The following NME6 variants were observed in gnomAD, a reference collection of about 807,000 sequenced individuals.
NME6 encodes nucleoside diphosphate kinase 6, mitochondrial.
Under a neutral mutation model 22.2 loss-of-function variants are expected in NME6, and 16 were observed. That is an observed-to-expected ratio of 0.72 (90% CI 0.49 to 1.09). The LOEUF (loss-of-function observed/expected upper bound fraction) is 1.09. Among genes scored for constraint, NME6 ranks in the 50% least tolerant of loss-of-function variants. The pLI is 0.00. For synonymous variants in NME6, 58 were observed against 85.2 expected (o/e 0.68, Z 1.76); for missense variants, 229 against 239.0 (o/e 0.96, Z 0.28).
At position 48,294,000 on chromosome 3, in the gene NME6, G is replaced by A. The variant is rs2034773863; in HGVS notation, c.*637C>T. The A allele has an allele frequency of 6.6e-6, 1 of 152,114 alleles. No homozygotes were observed. Among genetic ancestry groups the A allele is most frequent in the African/African-American group, 2.4e-5 (1 of 41,422 alleles). The allele number at this position is 152,114 out of a possible 1,614,324, so 9.4% of individuals were successfully genotyped here. ...AAATGTGGCAGCATAAAGGATTCAG[G>A]AGAACACTGACTTTTATTGAGGAAG... On this transcript the variant is annotated 3_prime_UTR_variant, in exon 6 of 6. Coordinates refer to ENST00000442597, the MANE Select transcript of NME6 (RefSeq NM_001308426.2).
rs532117758 is a variant in NME6, at chr3:48,295,056, C to G, written c.394+19G>C. 1.9e-6 allele frequency: 3 copies of G among 1,611,234 alleles called. No individual in the cohort carries two copies. The highest frequency in any genetic ancestry group is 2.2e-5 in the East Asian group (1 of 44,812). On this transcript the variant is annotated intron_variant, in intron 5 of 5. Transcript: ENST00000442597. ...CCGCTAACCCCAAAATATCCTATGG[C>G]TATGGACAGGGGACTCACCCGAACC...
At chr3:48,295,259 A>G in intron 4 of NME6, 24 bp from the exon 5 acceptor site, 1 of 1,598,928 alleles carries the variant, frequency 6.3e-7, no homozygotes, top group African/African-American at 1.3e-5. Flanking sequence ...AAGCACATGT[A>G]AAGAACCTGG....
rs1575312764 is a variant in NME6, at chr3:48,293,107, G to T, written c.*1530C>A. 6.6e-6 allele frequency: 1 copy of T among 152,192 alleles called. No individual in the cohort carries two copies. Among genetic ancestry groups the T allele is most frequent in the Non-Finnish European group, 1.5e-5 (1 of 68,046 alleles). 9.4% of individuals were successfully genotyped at this position (152,192 alleles called of 1,614,324 possible). On this transcript the variant is annotated 3_prime_UTR_variant, in exon 6 of 6. Coordinates refer to ENST00000442597, the MANE Select transcript of NME6 (RefSeq NM_001308426.2). ...AGCTGGCTCCCTAACACAAGAAGTT[G>T]TTGAAAGTTCTACTCAGCTTCTTAG...
intron 1 of NME6, chr3:48,298,986 T>G: frequency 1.4e-6 from 1 of 703,048 alleles, no homozygotes; most frequent in South Asian, 1.5e-5. Flanking sequence ...ATTGGAAGAT[T>G]GATGGACAGC....
intron 1 of NME6, 34 bp downstream of exon 1, chr3:48,301,319 C>T: frequency 6.3e-7 from 1 of 1,590,688 alleles, no homozygotes. Context: ...TCATTCGGAG[C>T]CCCAGTGCAG....
At chr3:48,298,737 T>A (rs1000822576) in intron 1 of NME6, among the ~76,000 whole-genome samples, 2 of 152,200 alleles carry the variant, frequency 1.3e-5, no homozygotes, top group Non-Finnish European at 2.9e-5. Context: ...AGCATTCAAG[T>A]TCCCCCGTGG....
chr3:48,295,244 A>C lies in NME6; in HGVS notation c.234-9T>G. 1.2e-6 allele frequency: 2 copies of C among 1,608,314 alleles called. No homozygotes were observed. Among genetic ancestry groups the C allele is most frequent in the Non-Finnish European group, 1.7e-6 (2 of 1,176,024 alleles). On this transcript the variant is annotated splice_polypyrimidine_tract_variant and intron_variant, in intron 4 of 5. Transcript: ENST00000442597. ...AGGCTCGGATTGGCCCGCTGTGAAC[A>C]AAACAAGCACATGTAAAGAACCTGG...
At chr3:48,288,374 C>CAA (rs1229770100), downstream of NME6, among the ~76,000 whole-genome samples, 3 of 104,734 alleles carry the variant, frequency 2.9e-5, no homozygotes, top group South Asian at 5.8e-4. Flanking sequence ...GACCCTGTCT[C>CAA]AAAAAAAAAA....
At chr3:48,288,173 G>C (rs1017087283), downstream of NME6, among the ~76,000 whole-genome samples, 1 of 152,056 alleles carries the variant, frequency 6.6e-6, no homozygotes, top group Non-Finnish European at 1.5e-5. Context: ...TTGAGCCCAG[G>C]AGTTCAAGAC....
intron 2 of NME6, chr3:48,297,619 GT>G: frequency 6.6e-6 from 1 of 152,392 alleles, no homozygotes; most frequent in Non-Finnish European, 1.5e-5. Flanking sequence ...ATATGATTAT[GT>G]TACATTACAT....
At chr3:48,291,183 G>A (rs1007020673), downstream of NME6, 3 of 331,192 alleles carry the variant, frequency 9.1e-6, no homozygotes, top group African/African-American at 2.2e-5. Flanking sequence ...ACAGGACGTG[G>A]TAAGGTGGAC....
rs773388161 is a variant in NME6, at chr3:48,296,143, T to C, written c.209A>G (p.Gln70Arg). Residue 70 changes from glutamine to arginine, a missense_variant, in exon 4 of 6, where the codon CAG becomes CGG. Transcript: ENST00000442597. ...YREHEGRFFYQRLVEFMASGP... is the reference protein window; with the variant it reads ...YREHEGRFFYRRLVEFMASGP... ...CCTGGCCATGAACTCCACCAGCCTC[T>C]GATAGAAAAAACGCCCTGCAAAGAG... 6.2e-7 allele frequency: 1 copy of C among 1,614,062 alleles called. No individual in the cohort carries two copies. The highest frequency in any genetic ancestry group is 8.5e-7 in the Non-Finnish European group (1 of 1,179,884).
At chr3:48,297,546 A>G (rs2035244586) in intron 2 of NME6, 1 of 152,418 alleles carries the variant, frequency 6.6e-6, no homozygotes, top group South Asian at 2.1e-4. Context: ...ACAGAATGTG[A>G]AAATGACCCC....
rs985564248 is a variant in NME6 at position 48,293,490 on chromosome 3, T to C, written c.*1147A>G. 1.3e-5 allele frequency: 2 copies of C among 152,342 alleles called. No homozygotes were observed. Among genetic ancestry groups the C allele is most frequent in the East Asian group, 3.9e-4 (2 of 5,180 alleles). 9.4% of individuals were successfully genotyped at this position (152,342 alleles called of 1,614,324 possible). On this transcript the variant is annotated 3_prime_UTR_variant, in exon 6 of 6. Transcript: ENST00000442597. ...CATACAAAACTGACCCATATATTCCTGAAAATGAACAGACTGTCTAGTGCC... is the reference window on the plus strand; with the variant it reads ...CATACAAAACTGACCCATATATTCCCGAAAATGAACAGACTGTCTAGTGCC...
In NME6 at chr3:48,294,771, C is replaced by G; in HGVS notation, c.427G>C (p.Ala143Pro). The G allele has an allele frequency of 1.2e-6, 2 of 1,614,128 alleles. No individual in the cohort carries two copies. Among genetic ancestry groups the G allele is most frequent in the Non-Finnish European group, 1.7e-6 (2 of 1,180,000 alleles). ...TGTTCACTGAAGTCAGGGAAGAAGGCTGCAATCTCTCTGCTGGCTGAAACC... is the reference window on the plus strand; with the variant it reads ...TGTTCACTGAAGTCAGGGAAGAAGGGTGCAATCTCTCTGCTGGCTGAAACC... The part of the protein sequence containing the change: ...SVVSASREIA[A>P]FFPDFSEQRW... The change falls in exon 6 of 6, where the codon GCC becomes CCC. Residue 143 changes from alanine (A) to proline (P), a missense_variant. Physicochemically the swap from Ala to Pro is conservative, Grantham distance 27. Coordinates refer to ENST00000442597, the MANE Select transcript of NME6 (RefSeq NM_001308426.2).
In NME6 at chr3:48,295,188, A is replaced by G. The variant is rs1448543705; in HGVS notation, c.281T>C (p.Leu94Pro). Residue 94 changes from leucine (L) to proline (P), a missense_variant, in exon 5 of 6, where the codon CTC becomes CCC. Transcript: ENST00000442597. ...YILAHKDAIQ[L>P]WRTLMGPTRV... ...GGTGGGTCCCATGAGCGTCCTCCAGAGCTGGATGGCATCCTTGTGGGCAAG... is the reference window on the plus strand; with the variant it reads ...GGTGGGTCCCATGAGCGTCCTCCAGGGCTGGATGGCATCCTTGTGGGCAAG... The G allele has an allele frequency of 2.5e-6, 4 of 1,614,178 alleles. No individual in the cohort carries two copies. The highest frequency in any genetic ancestry group is 3.4e-6 in the Non-Finnish European group (4 of 1,180,012).
In NME6 at chr3:48,294,521, G is replaced by T; in HGVS notation, c.*116C>A. 2.0e-6 allele frequency: 2 copies of T among 1,004,564 alleles called. No individual in the cohort carries two copies. The highest frequency in any genetic ancestry group is 1.5e-5 in the South Asian group (1 of 65,662). 62.2% of individuals were successfully genotyped at this position (1,004,564 alleles called of 1,614,324 possible). ...TGGTGAGCTAGGCCCTCAGGCAGGT[G>T]GTGGTGCCCAGCAGAAATGGCACTG... On this transcript the variant is annotated 3_prime_UTR_variant, in exon 6 of 6. Coordinates refer to ENST00000442597, the MANE Select transcript of NME6 (RefSeq NM_001308426.2).
chr3:48,294,791 G>C lies in NME6; in HGVS notation c.407C>G (p.Ser136Ter), dbSNP rs1175632935. Residue 136 changes from serine (S) to a stop codon, truncating the protein, a stop_gained, in exon 6 of 6, where the codon TCA becomes TGA. Coordinates refer to ENST00000442597, the MANE Select transcript of NME6 (RefSeq NM_001308426.2). LOFTEE classifies it high-confidence loss of function. ...NTTHGSDSVV[S>*]ASREIAAFFP... ...GAAGGCTGCAATCTCTCTGCTGGCT[G>C]AAACCACAGAGTCTGTAAGGGGAGA... 1 of 1,613,944 alleles carries C rather than the reference G, an allele frequency of 6.2e-7. No individual in the cohort carries two copies. The highest frequency in any genetic ancestry group is 8.5e-7 in the Non-Finnish European group (1 of 1,179,960).
intron 4 of NME6, 76 bp from the exon 5 acceptor site, chr3:48,295,311 A>G: frequency 1.4e-6 from 2 of 1,452,592 alleles, no homozygotes; most frequent in East Asian, 4.9e-5. Flanking sequence ...GGGCCTGAAT[A>G]AAAACACACT....
Sources: gnomAD v4.1 joint callset for allele counts (sites outside exome capture counted in the v4.1 genomes callset) on GRCh38, gnomAD v4.1.1 for gene constraint, MANE v1.5 for transcripts, NCBI Gene and HGNC (gene_info 2026-07-23, HGNC 2026-07-21) for gene names.